Variants in RFTN1 observed in about 807,000 individuals in gnomAD.
RFTN1 encodes raftlin, lipid raft linker 1, also known as raftlin.
In RFTN1, 26 loss-of-function variants were observed where a neutral mutation model predicts 46.5. The observed-to-expected ratio is 0.56, with a 90% confidence interval of 0.41 to 0.78. The LOEUF is 0.78. Ranked by LOEUF, RFTN1 falls within the 30% of genes least tolerant of loss-of-function variation. The pLI is 0.00. For missense variants in RFTN1, 693 were observed against 718.7 expected (o/e 0.96, Z 0.41); for synonymous variants, 261 against 284.2 (o/e 0.92, Z 0.82).
Position 16,374,034 on chromosome 3 carries a change from C to T in RFTN1, c.826+3684G>A, listed in dbSNP as rs1056730879. Reference sequence around the variant, plus strand: ...GAAAGGCAAAGTGCAGGGACCGCTGCTGCGTGCACAACAATCCACAGGACT... The same window carrying T: ...GAAAGGCAAAGTGCAGGGACCGCTGTTGCGTGCACAACAATCCACAGGACT... On this transcript the variant is annotated intron_variant, in intron 5 of 9. Transcript: ENST00000334133. This position sits in a 1 kb window ranked among gnomAD's most constrained non-coding sequence, Gnocchi z 5.4. Among the ~76,000 whole-genome samples, 6 of 152,172 alleles carry T rather than the reference C, an allele frequency of 3.9e-5. No individual in the cohort carries two copies. Among genetic ancestry groups the T allele is most frequent in the Non-Finnish European group, 7.4e-5 (5 of 68,026 alleles).
chr3:16,352,688 T>C lies in RFTN1; in HGVS notation c.1146+5244A>G, dbSNP rs1054577057. Among the ~76,000 whole-genome samples the C allele has an allele frequency of 6.6e-6, 1 of 152,248 alleles. No individual in the cohort carries two copies. The highest frequency in any genetic ancestry group is 1.5e-5 in the Non-Finnish European group (1 of 68,032). ...ACCAGGTGACTGACACAGAAAGCAG[T>C]ATGTAGTGAGGGCTTACTATGTGCC... On this transcript the variant is annotated intron_variant, in intron 7 of 9. Coordinates refer to ENST00000334133, the MANE Select transcript of RFTN1 (RefSeq NM_015150.2). The surrounding 1 kb of genome is among the most constrained non-coding windows in gnomAD (Gnocchi z 4.6).
rs1275035021 is a variant in RFTN1 at position 16,410,176 on chromosome 3, G to A, written c.333-693C>T. Among the ~76,000 whole-genome samples, 1 of 150,008 alleles carries A rather than the reference G, an allele frequency of 6.7e-6. No homozygotes were observed. Among genetic ancestry groups the A allele is most frequent in the Admixed American group, 6.7e-5 (1 of 15,032 alleles). On this transcript the variant is annotated intron_variant, in intron 3 of 9. Coordinates refer to ENST00000334133, the MANE Select transcript of RFTN1 (RefSeq NM_015150.2). This position sits in a 1 kb window ranked among gnomAD's most constrained non-coding sequence, Gnocchi z 4.6. Reference sequence around the variant, plus strand: ...GCATCATGTAAAACACATCATTATAGAATGATGGGTTTGGTACAATACAGC... The same window carrying A: ...GCATCATGTAAAACACATCATTATAAAATGATGGGTTTGGTACAATACAGC...
intron 2 of RFTN1, among the ~76,000 whole-genome samples, chr3:16,455,715 A>G (rs1344264427): frequency 6.6e-6 from 1 of 152,194 alleles, no homozygotes; most frequent in African/African-American, 2.4e-5. Context: ...TAACTCCTCA[A>G]GCTCTCAGAT....
In RFTN1 at chr3:16,449,047, C is replaced by G. The variant is rs925742736; in HGVS notation, c.146-15010G>C. The stretch of plus-strand genomic sequence containing the variant: ...ATGCATCCGTGTGGTATTAATGTTT[C>G]AACTTAACATAGTTTTCCCCTTCCT... On this transcript the variant is annotated intron_variant, in intron 2 of 9. Coordinates refer to ENST00000334133, the MANE Select transcript of RFTN1 (RefSeq NM_015150.2). This position sits in a 1 kb window ranked among gnomAD's most constrained non-coding sequence, Gnocchi z 5.1. 2.0e-5 allele frequency among the ~76,000 whole-genome samples: 3 copies of G among 152,226 alleles called. No individual in the cohort carries two copies. The highest frequency in any genetic ancestry group is 7.2e-5 in the African/African-American group (3 of 41,450).
rs769298394 is a variant in RFTN1, at chr3:16,382,492, G to A, written c.442-4390C>T. On this transcript the variant is annotated intron_variant, in intron 4 of 9. Coordinates refer to ENST00000334133, the MANE Select transcript of RFTN1 (RefSeq NM_015150.2). The surrounding 1 kb of genome is among the most constrained non-coding windows in gnomAD (Gnocchi z 4.7). ...GATGTATTCATCAGGGTTCATCCCCGGCTGCCAGCTCTCCTCCACTCTACA... is the reference window on the plus strand; with the variant it reads ...GATGTATTCATCAGGGTTCATCCCCAGCTGCCAGCTCTCCTCCACTCTACA... 3.3e-5 allele frequency among the ~76,000 whole-genome samples: 5 copies of A among 151,914 alleles called. No individual in the cohort carries two copies. The highest frequency in any genetic ancestry group is 7.4e-5 in the Non-Finnish European group (5 of 67,972).
chr3:16,397,863 G>C (rs544859668), intron 4 of RFTN1, among the ~76,000 whole-genome samples: 4 of 152,274 alleles, frequency 2.6e-5, no homozygotes, highest in South Asian at 2.1e-4. Flanking sequence ...AAAGCCAGGA[G>C]AAAGTTCTCA....
At position 16,458,792 on chromosome 3, in the gene RFTN1, C is replaced by T. The variant is rs1187901453; in HGVS notation, c.146-24755G>A. Reference sequence around the variant, plus strand: ...CAGTCCTTCAGGCCATATAGCTGTTCTTTTTAAATACACATTTATAATGAA... The same window carrying T: ...CAGTCCTTCAGGCCATATAGCTGTTTTTTTTAAATACACATTTATAATGAA... On this transcript the variant is annotated intron_variant, in intron 2 of 9. Transcript: ENST00000334133. The surrounding 1 kb of genome is among the most constrained non-coding windows in gnomAD (Gnocchi z 5.1). Among the ~76,000 whole-genome samples, 2 of 152,186 alleles carry T rather than the reference C, an allele frequency of 1.3e-5. No homozygotes were observed. Among genetic ancestry groups the T allele is most frequent in the Non-Finnish European group, 2.9e-5 (2 of 68,034 alleles).
chr3:16,432,067 AATG>A (rs1253861158), intron 3 of RFTN1, among the ~76,000 whole-genome samples: 4 of 152,212 alleles, frequency 2.6e-5, no homozygotes, highest in Non-Finnish European at 5.9e-5. Flanking sequence ...ATACAGATGA[AATG>A]ATAATGATCA....
At chr3:16,332,646 T>C (rs999307760) in intron 7 of RFTN1, among the ~76,000 whole-genome samples, 1 of 152,210 alleles carries the variant, frequency 6.6e-6, no homozygotes, top group Non-Finnish European at 1.5e-5. Flanking sequence ...ATTTATGCTT[T>C]GAAAACCAAA....
At chr3:16,373,702 G>GGGA (rs1260046212) in intron 5 of RFTN1, among the ~76,000 whole-genome samples, 1 of 152,208 alleles carries the variant, frequency 6.6e-6, no homozygotes, top group African/African-American at 2.4e-5. Context: ...GGCTAGATGT[G>GGGA]GGAGGAGGAG....
rs1407274494 is a variant in RFTN1, at chr3:16,380,160, C to A, written c.442-2058G>T. Among the ~76,000 whole-genome samples, 3 of 152,200 alleles carry A rather than the reference C, an allele frequency of 2.0e-5. No homozygotes were observed. Among genetic ancestry groups the A allele is most frequent in the African/African-American group, 7.2e-5 (3 of 41,444 alleles). On this transcript the variant is annotated intron_variant, in intron 4 of 9. Transcript: ENST00000334133. This position sits in a 1 kb window ranked among gnomAD's most constrained non-coding sequence, Gnocchi z 4.8. ...TTTGGAAAGGCCTGATGTGGAGCCCCAGATACGTGACTCACCATCTTGAGG... is the reference window on the plus strand; with the variant it reads ...TTTGGAAAGGCCTGATGTGGAGCCCAAGATACGTGACTCACCATCTTGAGG...
intron 7 of RFTN1, among the ~76,000 whole-genome samples, chr3:16,343,599 C>G (rs890945817): frequency 6.6e-6 from 1 of 152,238 alleles, no homozygotes; most frequent in African/African-American, 2.4e-5. Context: ...TCAGCCAGCA[C>G]TGGACTGAAG....
At chr3:16,368,153 C>T in intron 6 of RFTN1, among the ~76,000 whole-genome samples, 1 of 151,796 alleles carries the variant, frequency 6.6e-6, no homozygotes, top group East Asian at 1.9e-4. Flanking sequence ...AAGGTTCCTC[C>T]CTGGCCTTCT....
intron 1 of RFTN1, among the ~76,000 whole-genome samples, chr3:16,510,076 C>G (rs997645743): frequency 2.6e-5 from 4 of 152,322 alleles, no homozygotes; most frequent in Non-Finnish European, 5.9e-5. Context: ...CCGAGGGGCA[C>G]AGGCCCATTT....
intron 2 of RFTN1, among the ~76,000 whole-genome samples, chr3:16,436,348 G>GA (rs34339739): frequency 1.1e-4 from 15 of 134,156 alleles, no homozygotes; most frequent in African/African-American, 3.0e-4. Flanking sequence ...GTTTTGCCAT[G>GA]AAAAAAAAAA....
intron 2 of RFTN1, among the ~76,000 whole-genome samples, chr3:16,471,455 C>G (rs2076194108): frequency 6.6e-6 from 1 of 152,166 alleles, no homozygotes; most frequent in Non-Finnish European, 1.5e-5. Context: ...CCCTGCCTCT[C>G]AGGATTGTTG....
At chr3:16,488,100 CTT>C (rs11328637) in intron 2 of RFTN1, among the ~76,000 whole-genome samples, 10,406 of 125,670 alleles carry the variant, frequency 0.083, 683 homozygotes, top group African/African-American at 0.2. Context: ...GTGATCCTGA[CTT>C]TTTTTTTTTT....
chr3:16,478,364 G>A (rs773617150), intron 2 of RFTN1, among the ~76,000 whole-genome samples: 17 of 152,210 alleles, frequency 1.1e-4, no homozygotes, highest in Admixed American at 2.0e-4. Flanking sequence ...CTGAGGCACA[G>A]AGAAGTGAAG....
chr3:16,426,802 T>G lies in RFTN1; in HGVS notation c.332+7049A>C, dbSNP rs905814678. 6.6e-6 allele frequency among the ~76,000 whole-genome samples: 1 copy of G among 152,022 alleles called. No homozygotes were observed. Among genetic ancestry groups the G allele is most frequent in the African/African-American group, 2.4e-5 (1 of 41,382 alleles). Reference sequence around the variant, plus strand: ...AAGACAGATCTATCTCATAATGAATTTATGGTCCTTTAGTAAAAGATTGTA... The same window carrying G: ...AAGACAGATCTATCTCATAATGAATGTATGGTCCTTTAGTAAAAGATTGTA... On this transcript the variant is annotated intron_variant, in intron 3 of 9. Coordinates refer to ENST00000334133, the MANE Select transcript of RFTN1 (RefSeq NM_015150.2). The surrounding 1 kb of genome is among the most constrained non-coding windows in gnomAD (Gnocchi z 5.9).
Sources: gnomAD v4.1 joint callset for allele counts (sites outside exome capture counted in the v4.1 genomes callset) on GRCh38, gnomAD v4.1.1 for gene constraint, Gnocchi (gnomAD v3.1) non-coding constraint, MANE v1.5 for transcripts, NCBI Gene and HGNC (gene_info 2026-07-23, HGNC 2026-07-21) for gene names.